NCKAP5: variants seen among roughly 807,000 people sequenced by gnomAD.
NCKAP5 encodes the protein NCK associated protein 5, also known as nck-associated protein 5.
NCKAP5 carries 92 observed loss-of-function variants against 167.0 expected under a neutral mutation model. That is an observed-to-expected ratio of 0.55 (90% CI 0.47 to 0.66). The LOEUF (loss-of-function observed/expected upper bound fraction) is 0.66, where lower values mean the gene tolerates loss of function less well. Among genes scored for constraint, NCKAP5 ranks in the 30% least tolerant of loss-of-function variants. The probability of loss-of-function intolerance (pLI) is 0.00; values close to 1 mark genes in which losing one functional copy is unlikely to be tolerated. For missense variants in NCKAP5, 2,378 were observed against 2,315.0 expected (o/e 1.03, Z -0.56); for synonymous variants, 891 against 877.4 (o/e 1.02, Z -0.27).
chr2:133,248,473 G>A (rs755515249), intron 4 of NCKAP5, among the ~76,000 whole-genome samples: 2 of 152,178 alleles, frequency 1.3e-5, no homozygotes, highest in Non-Finnish European at 2.9e-5. Flanking sequence ...CACTAAACAG[G>A]GCAGGGAATA....
chr2:133,609,518 C>G, the NCKAP5 span, among the ~76,000 whole-genome samples: 1 of 151,984 alleles, frequency 6.6e-6, no homozygotes, highest in East Asian at 1.9e-4. Flanking sequence ...TTATTACTAC[C>G]AACTAAATAA....
At chr2:133,568,705 C>T (rs1688736303), upstream of NCKAP5, among the ~76,000 whole-genome samples, 1 of 152,130 alleles carries the variant, frequency 6.6e-6, no homozygotes, top group Admixed American at 6.5e-5. Context: ...AGAGAATCGC[C>T]TCCACCAGCT....
At chr2:133,370,866 A>G (rs901319898) in intron 3 of NCKAP5, among the ~76,000 whole-genome samples, 2 of 152,100 alleles carry the variant, frequency 1.3e-5, no homozygotes, top group Admixed American at 1.3e-4. Context: ...CCTACTTAGA[A>G]GTTATGGGAT....
Position 133,238,827 on chromosome 2 carries a change from T to C in NCKAP5, c.144-25048A>G, listed in dbSNP as rs144672418. 4.1e-3 allele frequency among the ~76,000 whole-genome samples: 618 copies of C among 152,322 alleles called. 4 individuals carry two copies. The highest frequency in any genetic ancestry group is 0.014 in the African/African-American group (582 of 41,568). On this transcript the variant is annotated intron_variant, in intron 4 of 19. Coordinates refer to ENST00000409261, the MANE Select transcript of NCKAP5 (RefSeq NM_207363.3). ...GCTTCCAGTTCCTCTACCACATAAATGTTTAGTCCTACAACCTGTCTGGTC... is the reference window on the plus strand; with the variant it reads ...GCTTCCAGTTCCTCTACCACATAAACGTTTAGTCCTACAACCTGTCTGGTC...
At position 133,247,808 on chromosome 2, in the gene NCKAP5, C is replaced by T. The variant is rs78452496; in HGVS notation, c.144-34029G>A. ...TCCATAGTTCTGCAATTTCTCCCTT[C>T]CACATCCTATTTTCTATTGCGGCTA... On this transcript the variant is annotated intron_variant, in intron 4 of 19. Transcript: ENST00000409261. 5.2e-4 allele frequency among the ~76,000 whole-genome samples: 79 copies of T among 152,306 alleles called. No individual in the cohort carries two copies. In the East Asian group the frequency reaches 0.013, roughly 25 times the overall value.
At chr2:132,693,279 T>C (rs921155593) in intron 19 of NCKAP5, among the ~76,000 whole-genome samples, 1 of 152,218 alleles carries the variant, frequency 6.6e-6, no homozygotes, top group East Asian at 1.9e-4. Context: ...ATAGGTTTTT[T>C]AGATTTTATT....
chr2:133,187,825 G>A (rs1157624142), intron 5 of NCKAP5, among the ~76,000 whole-genome samples: 2 of 151,720 alleles, frequency 1.3e-5, no homozygotes, highest in Non-Finnish European at 2.9e-5. Context: ...TTTTCCATTT[G>A]CTTGGTAGAT....
At chr2:133,409,681 A>G (rs558468618) in intron 3 of NCKAP5, among the ~76,000 whole-genome samples, 1 of 152,276 alleles carries the variant, frequency 6.6e-6, no homozygotes, top group Admixed American at 6.5e-5. Context: ...AAATCAAGGG[A>G]TGTGTGTGCA....
At chr2:133,049,023 C>T (rs575114039) in intron 6 of NCKAP5, among the ~76,000 whole-genome samples, 1 of 152,154 alleles carries the variant, frequency 6.6e-6, no homozygotes, top group Non-Finnish European at 1.5e-5. Context: ...ACTCCACTTC[C>T]ATTCATTTAT....
rs542190620 is a variant in NCKAP5, at chr2:132,873,929, C to T, written c.648+4919G>A. On this transcript the variant is annotated intron_variant, in intron 9 of 19. Transcript: ENST00000409261. ...TATGCATTAGGCACCTAGTGTGGGC[C>T]GGGAATCTGCTGGGTCCTGCAAAAA... Among the ~76,000 whole-genome samples, 14 of 152,002 alleles carry T rather than the reference C, an allele frequency of 9.2e-5. No homozygotes were observed. The East Asian group carries it at 1.6e-3, about 17-fold the overall frequency.
intron 11 of NCKAP5, among the ~76,000 whole-genome samples, chr2:132,827,470 T>C (rs1238384410): frequency 6.6e-6 from 1 of 152,196 alleles, no homozygotes; most frequent in Non-Finnish European, 1.5e-5. Context: ...ACACATATAA[T>C]GTACAGTGAT....
chr2:133,632,213 G>A, the NCKAP5 span, among the ~76,000 whole-genome samples: 1 of 152,346 alleles, frequency 6.6e-6, no homozygotes, highest in Non-Finnish European at 1.5e-5. Flanking sequence ...CAGCCACATG[G>A]TATGCCCTGC....
At chr2:133,137,745 A>C (rs2082846107) in intron 5 of NCKAP5, among the ~76,000 whole-genome samples, 1 of 152,214 alleles carries the variant, frequency 6.6e-6, no homozygotes, top group Admixed American at 6.5e-5. Context: ...AAAGCAAGAT[A>C]AAATGAAGGT....
rs879646004 is a variant in NCKAP5, at chr2:133,010,087, T to A, written c.342-15848A>T. On this transcript the variant is annotated intron_variant, in intron 6 of 19. Transcript: ENST00000409261. The stretch of plus-strand genomic sequence containing the variant: ...TTCTGTCTCAAAAAAAAAAAATAAA[T>A]AAATAAAAAAAACAAACAGAGGCTC... Among the ~76,000 whole-genome samples, 758 of 148,196 alleles carry A rather than the reference T, an allele frequency of 5.1e-3. 4 individuals are homozygous for A. The highest frequency in any genetic ancestry group is 0.015 in the Middle Eastern group (4 of 274).
chr2:133,453,329 T>C (rs1448615206), intron 3 of NCKAP5, among the ~76,000 whole-genome samples: 1 of 152,140 alleles, frequency 6.6e-6, no homozygotes, highest in African/African-American at 2.4e-5. Flanking sequence ...CTCCATCTCC[T>C]TAATGCAACC....
chr2:133,158,837 A>G (rs985877808), intron 5 of NCKAP5, among the ~76,000 whole-genome samples: 13 of 152,008 alleles, frequency 8.6e-5, no homozygotes, highest in African/African-American at 3.1e-4. Context: ...AGTTACAGAG[A>G]ACCTACTGCT....
intron 6 of NCKAP5, among the ~76,000 whole-genome samples, chr2:133,110,375 C>A (rs915686810): frequency 6.6e-6 from 1 of 152,052 alleles, no homozygotes. Flanking sequence ...AGGACACTGG[C>A]CTGAGAAGAT....
intron 1 of NCKAP5, among the ~76,000 whole-genome samples, chr2:133,562,568 A>G (rs1688238075): frequency 6.6e-6 from 1 of 152,218 alleles, no homozygotes; most frequent in Admixed American, 6.5e-5. Flanking sequence ...CAGAACTAAC[A>G]GCTCTTCTTT....
intron 6 of NCKAP5, among the ~76,000 whole-genome samples, chr2:133,025,882 G>GTAAA (rs1004128983): frequency 8.5e-5 from 13 of 152,222 alleles, no homozygotes; most frequent in African/African-American, 2.9e-4. Context: ...TGTTACATAG[G>GTAAA]TAAATTTGTG....
Sources: gnomAD v4.1 joint callset for allele counts (sites outside exome capture counted in the v4.1 genomes callset) on GRCh38, gnomAD v4.1.1 for gene constraint, MANE v1.5 for transcripts, NCBI Gene and HGNC (gene_info 2026-07-23, HGNC 2026-07-21) for gene names.